Variants in LONP1 observed in about 807,000 individuals in gnomAD.
LONP1 encodes lon peptidase 1, mitochondrial.
Under a neutral mutation model 98.5 loss-of-function variants are expected in LONP1, and 31 were observed. The ratio of observed to expected loss-of-function variants is 0.31; its 90% CI spans 0.24 to 0.42. The LOEUF (loss-of-function observed/expected upper bound fraction) is 0.42. LONP1 is among the 20% of genes least tolerant of loss of function. The pLI is 1.00. For synonymous variants in LONP1, 781 were observed against 594.7 expected, an observed-to-expected ratio of 1.31 and a Z score of -4.56; for missense variants, 1,336 against 1,350.6, an observed-to-expected ratio of 0.99 and a Z score of 0.17.
intron 4 of LONP1, among the ~76,000 whole-genome samples, chr19:5,711,264 G>A (rs1052740762): frequency 2.0e-5 from 3 of 152,352 alleles, no homozygotes; most frequent in Admixed American, 1.3e-4. Flanking sequence ...GGTTAGCTTC[G>A]CTGACTGTCC....
At chr19:5,720,150 G>A (rs754275312), upstream of LONP1, 2 of 1,394,236 alleles carry the variant, frequency 1.4e-6, no homozygotes, top group Non-Finnish European at 1.8e-6. Context: ...CCATACTGGC[G>A]GCTCACACAA....
In LONP1 at chr19:5,696,360, G is replaced by A. The variant is rs35974682; in HGVS notation, c.1785C>T (p.Ile595=). The change falls in exon 12 of 18, where the codon ATC becomes ATT. Residue 595 remains isoleucine, a synonymous_variant. Coordinates refer to ENST00000360614, the MANE Select transcript of LONP1 (RefSeq NM_004793.4). The stretch of plus-strand genomic sequence containing the variant: ...ACGGGTCCCCCTGGTAGCCTCGGCC[G>A]ATCTTGTCCACCTGGGGCAGCAGAC... ...PLILIDEVDK[I]GRGYQGDPSS... 2.6e-4 allele frequency: 421 copies of A among 1,612,924 alleles called. 1 individual carries two copies. Among genetic ancestry groups the A allele is most frequent in the African/African-American group, 1.6e-4 (12 of 75,050 alleles).
chr19:5,692,006 C>CAGTTCT lies in LONP1; in HGVS notation c.*25_*26insAGAACT. On this transcript the variant is annotated 3_prime_UTR_variant, in exon 18 of 18. Transcript: ENST00000360614. ...TCTGGCCCAGACAGGGCCTGACATC[C>CAGTTCT]GCCGCCTGCAGTCCCGGGGTGGCCG... 1 of 1,597,394 alleles carries CAGTTCT rather than the reference C, an allele frequency of 6.3e-7. No homozygotes were observed.
rs755809902 is a variant in LONP1, at chr19:5,692,260, G to C, written c.2704-52C>G. 5 of 1,549,380 alleles carry C rather than the reference G, an allele frequency of 3.2e-6. No homozygotes were observed. In the South Asian group the frequency reaches 6.0e-5, roughly 18 times the overall value. On this transcript the variant is annotated intron_variant, in intron 17 of 17. Coordinates refer to ENST00000360614, the MANE Select transcript of LONP1 (RefSeq NM_004793.4). ...GCCTGGGCCTGTGGGAGGGCAGCAG[G>C]TGTGCTAACCTCCAGGAACGAAAGG...
intron 14 of LONP1, 37 bp from the exon 15 acceptor site, chr19:5,694,589 TGGGGTGACAGGTGC>T: frequency 6.5e-7 from 1 of 1,529,358 alleles, no homozygotes; most frequent in South Asian, 1.2e-5. Context: ...CACGGGAAGG[TGGGGTGACAGGTGC>T]GGGGTGGTGG....
intron 8 of LONP1, among the ~76,000 whole-genome samples, chr19:5,701,270 CCT>C (rs1202189974): frequency 5.3e-5 from 8 of 152,206 alleles, no homozygotes; most frequent in East Asian, 1.9e-4. Context: ...ACGGTGAAAC[CCT>C]GTCTCTACTA....
chr19:5,696,471 A>C, intron 11 of LONP1, 100 bp from the exon 12 acceptor site: 11 of 1,489,030 alleles, frequency 7.4e-6, no homozygotes, highest in Middle Eastern at 4.2e-4. Flanking sequence ...CCCGAGTGAG[A>C]GCGGCACCCA....
In LONP1 at chr19:5,692,206, G is replaced by A; in HGVS notation, c.2706C>T (p.Ala902=). The part of the protein sequence containing the change: ...VGGIKEKTIA[A]KRAGVTCIVL... The stretch of plus-strand genomic sequence containing the variant: ...CGATGCACGTCACCCCTGCGCGCTT[G>A]GCCTGGGGGCAGAGTCAGGGTCAGC... Residue 902 remains alanine, a splice_region_variant and synonymous_variant, in exon 18 of 18, where the codon GCC becomes GCT. Coordinates refer to ENST00000360614, the MANE Select transcript of LONP1 (RefSeq NM_004793.4). 1 of 1,610,178 alleles carries A rather than the reference G, an allele frequency of 6.2e-7. No homozygotes were observed. Among genetic ancestry groups the A allele is most frequent in the Non-Finnish European group, 8.5e-7 (1 of 1,177,432 alleles).
intron 8 of LONP1, among the ~76,000 whole-genome samples, chr19:5,704,914 A>G (rs1451406840): frequency 6.6e-6 from 1 of 151,762 alleles, no homozygotes; most frequent in Non-Finnish European, 1.5e-5. Context: ...TAATCCCAGC[A>G]CTTTGGGAGG....
chr19:5,707,268 G>T, intron 6 of LONP1, 125 bp from the exon 7 acceptor site: 1 of 737,482 alleles, frequency 1.4e-6, no homozygotes, highest in Non-Finnish European at 2.3e-6. Context: ...GCTGTACCCA[G>T]CACAGAGGCA....
chr19:5,719,777 T>C lies in LONP1; in HGVS notation c.356A>G (p.Asp119Gly), dbSNP rs1410826377. 6.2e-6 allele frequency: 10 copies of C among 1,613,268 alleles called. 2 individuals are homozygous for C. The highest frequency in any genetic ancestry group is 5.3e-5 in the African/African-American group (4 of 75,026). ...GATGAGCGGCAGGTGCGGAAACACA[T>C]CGGGGATCGTCATGGGCGTGAGCGC... is the stretch of plus-strand genomic sequence containing the variant. ...ITALTPMTIP[D>G]VFPHLPLIAI... Residue 119 changes from aspartate to glycine, a missense_variant, in exon 1 of 18, where the codon GAT becomes GGT. Around this residue, in one of 5 missense-constraint regions of LONP1, gnomAD observed 457 missense variants for 403.1 expected, o/e 1.13. Transcript: ENST00000360614.
chr19:5,716,255 T>TATAC (rs1417687341), intron 1 of LONP1, among the ~76,000 whole-genome samples: 13 of 83,906 alleles, frequency 1.5e-4, no homozygotes, highest in East Asian at 3.5e-4. Context: ...AAAGTTAAAA[T>TATAC]ATACATATAT....
chr19:5,705,718 G>A lies in LONP1; in HGVS notation c.1367+54C>T, dbSNP rs747922198. The A allele has an allele frequency of 8.4e-6, 13 of 1,542,534 alleles. No homozygotes were observed. The East Asian group carries it at 2.3e-4, about 27-fold the overall frequency. ...CTGGGTCCCCTGGCCTGCCTAAGATGGGGGCTGAGGAGGGGTCACCTGAGG... is the reference window on the plus strand; with the variant it reads ...CTGGGTCCCCTGGCCTGCCTAAGATAGGGGCTGAGGAGGGGTCACCTGAGG... On this transcript the variant is annotated intron_variant, in intron 8 of 17. Coordinates refer to ENST00000360614, the MANE Select transcript of LONP1 (RefSeq NM_004793.4).
intron 11 of LONP1, 58 bp downstream of exon 11, chr19:5,696,612 C>A: frequency 6.5e-7 from 1 of 1,547,196 alleles, no homozygotes; most frequent in South Asian, 1.1e-5. Context: ...GAAGGCTCGG[C>A]TTCATCTTGC....
At chr19:5,716,956 G>C (rs1345550430) in intron 1 of LONP1, among the ~76,000 whole-genome samples, 1 of 152,042 alleles carries the variant, frequency 6.6e-6, no homozygotes, top group Admixed American at 6.5e-5. Flanking sequence ...ACCACTCCAG[G>C]CTAATTTTTT....
intron 10 of LONP1, among the ~76,000 whole-genome samples, chr19:5,698,009 C>T (rs1036742456): frequency 9.4e-5 from 14 of 148,720 alleles, no homozygotes; most frequent in Admixed American, 8.7e-4. Flanking sequence ...CCAGCTGCTC[C>T]TTCCTGCTCA....
chr19:5,706,632 A>G (rs1040805185), intron 7 of LONP1, among the ~76,000 whole-genome samples: 6 of 152,052 alleles, frequency 3.9e-5, no homozygotes, highest in Non-Finnish European at 7.4e-5. Flanking sequence ...GAAAAATGCT[A>G]CGACCGTGAG....
chr19:5,701,056 G>A (rs2055032350), intron 8 of LONP1, 129 bp from the exon 9 acceptor site: 2 of 1,014,118 alleles, frequency 2.0e-6, no homozygotes. Flanking sequence ...GCTCACGCCT[G>A]TAATCCCAGC....
At chr19:5,718,477 C>CA (rs368724850) in intron 1 of LONP1, among the ~76,000 whole-genome samples, 12,976 of 100,858 alleles carry the variant, frequency 0.13, 694 homozygotes, top group Middle Eastern at 0.15. Context: ...AACTTGGTCT[C>CA]AAAAAAAAAA....
Sources: allele counts gnomAD v4.1 joint callset (sites outside exome capture counted in the v4.1 genomes callset), GRCh38; gene constraint gnomAD v4.1.1; regional missense constraint gnomAD v4.1.1; transcripts MANE v1.5; gene names NCBI Gene and HGNC (gene_info 2026-07-23, HGNC 2026-07-21).